Variants in NAV2 observed in about 807,000 individuals in gnomAD.
The protein encoded by NAV2 is neuron navigator 2.
Under a neutral mutation model 223.2 loss-of-function variants are expected in NAV2, and 54 were observed. That is an observed-to-expected ratio of 0.24 (90% CI 0.19 to 0.30). The LOEUF (loss-of-function observed/expected upper bound fraction) is 0.30, where lower values mean the gene tolerates loss of function less well. NAV2 is among the 10% of genes least tolerant of loss of function. The probability of loss-of-function intolerance (pLI) is 1.00; values close to 1 mark genes in which losing one functional copy is unlikely to be tolerated. For synonymous variants in NAV2, 1,279 were observed against 1,239.3 expected (o/e 1.03, Z -0.67); for missense variants, 2,806 against 3,147.5 (o/e 0.89, Z 2.60).
At chr11:19,398,886 C>A (rs866837479) in intron 1 of NAV2, among the ~76,000 whole-genome samples, 1 of 152,338 alleles carries the variant, frequency 6.6e-6, no homozygotes, top group African/African-American at 2.4e-5. Context: ...CTAGCAAACA[C>A]TTTTCCTGAA....
rs576899600 is a variant in NAV2 at position 19,541,400 on chromosome 11, A to T, written c.75+190373A>T. ...GCTGTGTTGAAATGATTGTCCTGGG[A>T]TGGAGCGAAATTTAGGAAGTGAGAG... is the stretch of plus-strand genomic sequence containing the variant. On this transcript the variant is annotated intron_variant, in intron 1 of 37. Coordinates refer to the NAV2 transcript ENST00000360655. Among the ~76,000 whole-genome samples the T allele has an allele frequency of 2.6e-5, 4 of 152,362 alleles. No homozygotes were observed. The East Asian group carries it at 7.7e-4, about 29-fold the overall frequency.
chr11:20,043,838 A>G (rs1371917432), intron 12 of NAV2, 143 bp from the exon 13 acceptor site: 2 of 672,654 alleles, frequency 3.0e-6, no homozygotes, highest in Non-Finnish European at 5.0e-6. Flanking sequence ...CAAGATAACC[A>G]GAGTACAAAA....
In NAV2 at chr11:20,064,573, C is replaced by T. The variant is rs577897734; in HGVS notation, c.4884+2214C>T. On this transcript the variant is annotated intron_variant, in intron 20 of 37. Transcript: ENST00000349880. The stretch of plus-strand genomic sequence containing the variant: ...AGCTTAAGCTTCTCAACCTGTGTGT[C>T]TTCAGATCTAGGAAACTGTCACATG... Among the ~76,000 whole-genome samples, 3 of 152,004 alleles carry T rather than the reference C, an allele frequency of 2.0e-5. No homozygotes were observed. The East Asian group carries it at 5.8e-4, about 30-fold the overall frequency.
chr11:19,841,808 A>G (rs2060527708), intron 2 of NAV2, among the ~76,000 whole-genome samples: 1 of 152,188 alleles, frequency 6.6e-6, no homozygotes. Flanking sequence ...CAATTTTTAT[A>G]TACAATACGT....
chr11:19,638,466 T>TA (rs758534814), intron 1 of NAV2, among the ~76,000 whole-genome samples: 1 of 152,238 alleles, frequency 6.6e-6, no homozygotes, highest in Non-Finnish European at 1.5e-5. Flanking sequence ...TTTTGCCAGT[T>TA]ACTAACCATG....
intron 8 of NAV2, among the ~76,000 whole-genome samples, chr11:19,943,202 C>T (rs1204510482): frequency 6.6e-6 from 1 of 152,046 alleles, no homozygotes; most frequent in East Asian, 1.9e-4. Context: ...TTTTAACAGG[C>T]TTATATACAT....
At chr11:19,999,380 T>G (rs2052313920) in intron 11 of NAV2, among the ~76,000 whole-genome samples, 1 of 152,248 alleles carries the variant, frequency 6.6e-6, no homozygotes, top group East Asian at 1.9e-4. Flanking sequence ...AAATGTGGGG[T>G]TTTTTTGGAT....
intron 1 of NAV2, among the ~76,000 whole-genome samples, chr11:19,435,972 C>T (rs1851200021): frequency 1.3e-5 from 2 of 151,984 alleles, no homozygotes; most frequent in African/African-American, 4.8e-5. Flanking sequence ...GATATCAGCT[C>T]CTTATCCAAT....
At chr11:19,793,234 G>A (rs112181206) in intron 1 of NAV2, among the ~76,000 whole-genome samples, 85 of 92,072 alleles carry the variant, frequency 9.2e-4, no homozygotes, top group Middle Eastern at 4.8e-3. Context: ...AAAAAAGAAA[G>A]AAAGAAAGAA....
chr11:19,767,406 C>T (rs1156379827), intron 1 of NAV2, among the ~76,000 whole-genome samples: 1 of 152,174 alleles, frequency 6.6e-6, no homozygotes, highest in African/African-American at 2.4e-5. Context: ...AGGCATTTCA[C>T]CTTTCTGGGC....
At chr11:19,566,031 G>GATTTTATTTTATTTTATTTT (rs56221634) in intron 1 of NAV2, among the ~76,000 whole-genome samples, 10,649 of 138,514 alleles carry the variant, frequency 0.077, 545 homozygotes, top group East Asian at 0.17. Flanking sequence ...TATCCAAGGA[G>GATTTTATTTTATTTTATTTT]ATTTTATTTT....
Position 19,922,894 on chromosome 11 carries a change from A to G in NAV2, c.932-10282A>G, listed in dbSNP as rs576326126. Among the ~76,000 whole-genome samples the G allele has an allele frequency of 1.9e-4, 29 of 152,280 alleles. No individual in the cohort carries two copies. In the South Asian group the frequency reaches 6.0e-3, roughly 32 times the overall value. Reference sequence around the variant, plus strand: ...ATAACCCAAGATCCCATGGATTTTCATGGCAGCCACGTCTCTGTAGTGAGT... The same window carrying G: ...ATAACCCAAGATCCCATGGATTTTCGTGGCAGCCACGTCTCTGTAGTGAGT... On this transcript the variant is annotated intron_variant, in intron 6 of 37. Coordinates refer to ENST00000349880, the MANE Select transcript of NAV2 (RefSeq NM_145117.5).
chr11:19,548,876 CA>C (rs10709105), intron 1 of NAV2, among the ~76,000 whole-genome samples: 52,824 of 78,566 alleles, frequency 0.67, 17,505 homozygotes, highest in Middle Eastern at 0.88. Context: ...GGCTCCGTCT[CA>C]AAAAAAAAAA....
chr11:19,440,178 G>C (rs1230382456), intron 1 of NAV2, among the ~76,000 whole-genome samples: 7 of 152,206 alleles, frequency 4.6e-5, no homozygotes, highest in Non-Finnish European at 7.4e-5. Context: ...CGTGGTTGCT[G>C]TCTGCATGAA....
At chr11:19,398,530 G>A (rs1488952286) in intron 1 of NAV2, among the ~76,000 whole-genome samples, 1 of 152,084 alleles carries the variant, frequency 6.6e-6, no homozygotes, top group Non-Finnish European at 1.5e-5. Flanking sequence ...CCACCACAGA[G>A]AACCTGTGGT....
intron 1 of NAV2, among the ~76,000 whole-genome samples, chr11:19,707,518 G>A (rs1221083775): frequency 6.6e-6 from 1 of 152,082 alleles, no homozygotes; most frequent in Admixed American, 6.5e-5. Context: ...CCTCTGGAAG[G>A]TCTTCAGGGG....
intron 1 of NAV2, among the ~76,000 whole-genome samples, chr11:19,759,372 C>T (rs929680375): frequency 2.0e-5 from 3 of 152,022 alleles, no homozygotes; most frequent in Admixed American, 6.5e-5. Context: ...CGTGAGCCAC[C>T]GTGCCTGGCA....
chr11:19,544,570 C>G (rs2044435270), intron 1 of NAV2, among the ~76,000 whole-genome samples: 1 of 152,198 alleles, frequency 6.6e-6, no homozygotes, highest in Admixed American at 6.5e-5. Flanking sequence ...CACCCTTGAA[C>G]ACCTGTCTAT....
chr11:20,091,143 A>G (rs2153683579), intron 27 of NAV2, 125 bp downstream of exon 27: 1 of 866,928 alleles, frequency 1.2e-6, no homozygotes. Flanking sequence ...CCCAGCCTTT[A>G]TCTCTTTTCA....
Sources: gnomAD v4.1 joint callset for allele counts (sites outside exome capture counted in the v4.1 genomes callset) on GRCh38, gnomAD v4.1.1 for gene constraint, MANE v1.5 for transcripts, NCBI Gene and HGNC (gene_info 2026-07-23, HGNC 2026-07-21) for gene names.